The following KLF8 variants were observed in gnomAD, a reference collection of about 807,000 sequenced individuals.
The protein encoded by KLF8 is KLF transcription factor 8.
Under a neutral mutation model 18.2 loss-of-function variants are expected in KLF8, and 10 were observed. The observed-to-expected ratio is 0.55, with a 90% CI of 0.34 to 0.93. The LOEUF is 0.93. Ranked by LOEUF, KLF8 falls within the 40% of genes least tolerant of loss-of-function variation. The probability of loss-of-function intolerance (pLI) is 0.02; values close to 1 mark genes in which losing one functional copy is unlikely to be tolerated. For synonymous variants in KLF8, 109 were observed against 97.3 expected, an observed-to-expected ratio of 1.12 and a Z score of -0.71; for missense variants, 264 against 277.9, an observed-to-expected ratio of 0.95 and a Z score of 0.36.
the KLF8 span, among the ~76,000 whole-genome samples, chrX:56,188,690 G>C: frequency 9.0e-6 from 1 of 111,655 alleles, no homozygotes; most frequent in Non-Finnish European, 1.9e-5. Context: ...CAATGAAACA[G>C]AATAGAGCCC....
the KLF8 span, among the ~76,000 whole-genome samples, chrX:56,058,293 T>TACATATATATAC: frequency 3.1e-5 from 2 of 65,214 alleles, no homozygotes; most frequent in Admixed American, 1.8e-4. Context: ...TATATATATA[T>TACATATATATAC]ATATATATAT....
the KLF8 span, among the ~76,000 whole-genome samples, chrX:55,938,394 A>C: frequency 3.6e-5 from 4 of 111,527 alleles, no homozygotes; most frequent in Admixed American, 9.6e-5. Context: ...TGGAAAGGAA[A>C]AACCAGTACC....
At chrX:55,922,552 C>G in the KLF8 span, among the ~76,000 whole-genome samples, 62 of 112,249 alleles carry the variant, frequency 5.5e-4, no homozygotes, top group African/African-American at 1.9e-3. Flanking sequence ...GTGCAGCAAA[C>G]CACTATGGAA....
the KLF8 span, among the ~76,000 whole-genome samples, chrX:56,081,050 C>G: frequency 6.3e-5 from 7 of 110,969 alleles, no homozygotes; most frequent in African/African-American, 2.3e-4. Flanking sequence ...ATACATTCTT[C>G]TAAATTTTTT....
chrX:56,019,651 A>T, the KLF8 span, among the ~76,000 whole-genome samples: 1 of 112,056 alleles, frequency 8.9e-6, no homozygotes, highest in African/African-American at 3.2e-5. Context: ...TTATGTGGTA[A>T]GATAAAGTCC....
the KLF8 span, among the ~76,000 whole-genome samples, chrX:55,957,909 G>T: frequency 6.3e-5 from 7 of 111,879 alleles, no homozygotes; most frequent in African/African-American, 1.9e-4. Flanking sequence ...CCTATAAAGT[G>T]TGCACTATTA....
At chrX:56,151,994 T>G in the KLF8 span, among the ~76,000 whole-genome samples, 1 of 111,626 alleles carries the variant, frequency 9.0e-6, no homozygotes, top group Non-Finnish European at 1.9e-5. Flanking sequence ...TTTGATTTCT[T>G]TTGTTTTTAA....
chrX:56,005,717 G>A, the KLF8 span, among the ~76,000 whole-genome samples: 2 of 112,084 alleles, frequency 1.8e-5, no homozygotes, highest in African/African-American at 3.2e-5. Context: ...GAGGAGAGGA[G>A]GTGAGGTCCA....
the KLF8 span, among the ~76,000 whole-genome samples, chrX:55,984,330 C>G: frequency 8.5e-4 from 94 of 110,986 alleles, no homozygotes; most frequent in Non-Finnish European, 1.4e-3. Context: ...CATCATTCAG[C>G]TCCCACTTAT....
At chrX:56,281,731 A>C (rs1056830387) in intron 5 of KLF8, among the ~76,000 whole-genome samples, 1 of 112,411 alleles carries the variant, frequency 8.9e-6, no homozygotes, top group Non-Finnish European at 1.9e-5. Flanking sequence ...TATCTTTGTC[A>C]CATAGTTAAT....
the KLF8 span, among the ~76,000 whole-genome samples, chrX:55,997,122 C>T: frequency 7.2e-5 from 8 of 111,614 alleles, no homozygotes; most frequent in Non-Finnish European, 1.5e-4. Flanking sequence ...TGGGAAGTGC[C>T]CCTGGTGCAG....
the KLF8 span, among the ~76,000 whole-genome samples, chrX:55,930,155 G>C: frequency 9.0e-6 from 1 of 111,645 alleles, no homozygotes. Context: ...TTGTGAATAG[G>C]AGTTTCACTC....
the KLF8 span, among the ~76,000 whole-genome samples, chrX:55,923,705 CGT>C: frequency 0.078 from 7,652 of 98,153 alleles, 294 homozygotes; most frequent in African/African-American, 0.12. Context: ...TAAAGATCCA[CGT>C]GTGTGTGTGT....
chrX:56,228,552 C>T (rs2066383107), upstream of KLF8, among the ~76,000 whole-genome samples: 1 of 112,381 alleles, frequency 8.9e-6, no homozygotes, highest in African/African-American at 3.2e-5. Context: ...TGTGAAGGCA[C>T]TTGCCCAGGG....
At chrX:56,089,583 C>T in the KLF8 span, among the ~76,000 whole-genome samples, 6 of 112,130 alleles carry the variant, frequency 5.4e-5, no homozygotes, top group African/African-American at 1.9e-4. Flanking sequence ...TCCTTTTAGA[C>T]TCAGCATAGA....
the KLF8 span, among the ~76,000 whole-genome samples, chrX:56,049,754 T>A: frequency 9.0e-6 from 1 of 110,768 alleles, no homozygotes; most frequent in Non-Finnish European, 1.9e-5. Context: ...TCTGCCTGGC[T>A]TTGGTATCAA....
chrX:56,164,769 T>G, the KLF8 span, among the ~76,000 whole-genome samples: 1 of 93,320 alleles, frequency 1.1e-5, no homozygotes, highest in African/African-American at 4.0e-5. Flanking sequence ...TTTTTTATTA[T>G]ACTTTAAGTT....
At chrX:55,924,216 C>T in the KLF8 span, among the ~76,000 whole-genome samples, 2 of 110,813 alleles carry the variant, frequency 1.8e-5, no homozygotes, top group Non-Finnish European at 3.8e-5. Context: ...ACTACAGGTG[C>T]CCACCACCAC....
the KLF8 span, among the ~76,000 whole-genome samples, chrX:55,963,081 ATTG>A: frequency 9.3e-4 from 105 of 112,305 alleles, no homozygotes; most frequent in Middle Eastern, 4.6e-3. Context: ...CTCCCTTGTC[ATTG>A]TTGTTTTTTT....
Sources: allele counts gnomAD v4.1 joint callset (sites outside exome capture counted in the v4.1 genomes callset), GRCh38; gene constraint gnomAD v4.1.1; transcripts MANE v1.5; gene names NCBI Gene and HGNC (gene_info 2026-07-23, HGNC 2026-07-21).